Variants in COL1A2 observed in about 807,000 individuals in gnomAD.
COL1A2 encodes collagen type I alpha 2 chain.
Under a neutral mutation model 174.3 loss-of-function variants are expected in COL1A2, and 49 were observed. The ratio of observed to expected loss-of-function variants is 0.28; its 90% CI spans 0.22 to 0.36. COL1A2 has a LOEUF of 0.36. Ranked by LOEUF, COL1A2 falls within the 10% of genes least tolerant of loss-of-function variation. COL1A2 has a pLI of 1.00. For synonymous variants in COL1A2, 655 were observed against 606.6 expected, an observed-to-expected ratio of 1.08 and a Z score of -1.17; for missense variants, 1,438 against 1,822.7, an observed-to-expected ratio of 0.79 and a Z score of 3.84.
rs973517349 is a variant in COL1A2, at chr7:94,420,672, C to T, written c.2295+24C>T. 5 of 1,554,014 alleles carry T rather than the reference C, an allele frequency of 3.2e-6. No homozygotes were observed. The Admixed American group carries it at 9.5e-5, about 29-fold the overall frequency. ...CTGTAAGTTGAATTCACTGGTGGTCCACACAGCAGCTACCCATTAGATCTT... is the reference window on the plus strand; with the variant it reads ...CTGTAAGTTGAATTCACTGGTGGTCTACACAGCAGCTACCCATTAGATCTT... On this transcript the variant is annotated intron_variant, in intron 37 of 51. Coordinates refer to ENST00000297268, the MANE Select transcript of COL1A2 (RefSeq NM_000089.4).
rs747098214 is a variant in COL1A2, at chr7:94,424,453, T to A, written c.2673+10T>A. 2.6e-5 allele frequency: 42 copies of A among 1,611,120 alleles called. 1 individual carries two copies. The highest frequency in any genetic ancestry group is 3.5e-5 in the Non-Finnish European group (41 of 1,177,412). On this transcript the variant is annotated intron_variant, in intron 41 of 51. Transcript: ENST00000297268. ...TGTTGCTGGTGCTGTGGTGAGTGCT[T>A]GACAGTATTCTGACTCCATTAACAT...
In COL1A2 at chr7:94,422,011, A is replaced by T; in HGVS notation, c.2403+59A>T. On this transcript the variant is annotated intron_variant, in intron 39 of 51. Transcript: ENST00000297268. Reference sequence around the variant, plus strand: ...CTCTAGCCAAAAGGCCTGGCTTCTGATAGGAAACTGGTAAGAAACTCTTCA... The same window carrying T: ...CTCTAGCCAAAAGGCCTGGCTTCTGTTAGGAAACTGGTAAGAAACTCTTCA... 6 of 1,449,958 alleles carry T rather than the reference A, an allele frequency of 4.1e-6. No homozygotes were observed. The South Asian group carries it at 6.9e-5, about 17-fold the overall frequency. 89.8% of individuals were successfully genotyped at this position (1,449,958 alleles called of 1,614,324 possible). A position where few individuals can be genotyped will look rare whatever the true frequency, so the allele number is the denominator to read the frequency against.
intron 33 of COL1A2, among the ~76,000 whole-genome samples, chr7:94,419,151 A>G (rs1443757806): frequency 6.6e-6 from 1 of 150,630 alleles, no homozygotes. Flanking sequence ...CATCTGTAAT[A>G]GTCTTTCTTT....
chr7:94,412,476 G>A lies in COL1A2; in HGVS notation c.1405-108G>A. On this transcript the variant is annotated intron_variant, in intron 24 of 51. Transcript: ENST00000297268. ...AATTTATTAACGCTTTATACAAGAA[G>A]CTCTATGCATTCAGAAAACTATTCT... 5 of 840,066 alleles carry A rather than the reference G, an allele frequency of 6.0e-6. No individual in the cohort carries two copies. In the East Asian group the frequency reaches 1.1e-4, roughly 18 times the overall value. 52.0% of individuals were successfully genotyped at this position (840,066 alleles called of 1,614,324 possible). A position where few individuals can be genotyped will look rare whatever the true frequency, so the allele number is the denominator to read the frequency against.
At chr7:94,404,997 C>G in intron 9 of COL1A2, 105 bp downstream of exon 9, 1 of 1,298,274 alleles carries the variant, frequency 7.7e-7, no homozygotes, top group East Asian at 2.3e-5. Flanking sequence ...CTGAATATGC[C>G]TGACAGAACT....
intron 38 of COL1A2, 57 bp from the exon 39 acceptor site, chr7:94,421,842 T>C: frequency 1.3e-6 from 2 of 1,566,212 alleles, no homozygotes; most frequent in East Asian, 2.2e-5. Context: ...ATTCCCATCT[T>C]ACCCAAATTC....
rs749621872 is a variant in COL1A2 at position 94,425,198 on chromosome 7, G to A, written c.2755G>A (p.Gly919Ser). 75 of 1,613,994 alleles carry A rather than the reference G, an allele frequency of 4.6e-5. No individual in the cohort carries two copies. Among genetic ancestry groups the A allele is most frequent in the Middle Eastern group, 1.6e-4 (1 of 6,082 alleles). ...PGAVGSPGVNGAPGEAGRDGN... is the reference protein window; with the variant it reads ...PGAVGSPGVNSAPGEAGRDGN... The stretch of plus-strand genomic sequence containing the variant: ...TGCTGTGGGTAGTCCTGGAGTCAAC[G>A]GTGCTCCTGGTGAAGCTGGTCGTGA... Residue 919 changes from glycine to serine, a missense_variant, in exon 42 of 52, where the codon GGT becomes AGT. Around this residue, in one of 3 missense-constraint regions of COL1A2, gnomAD observed 867 missense variants for 1,213.7 expected, o/e 0.71. Transcript: ENST00000297268.
chr7:94,415,118 A>G (rs936428866), intron 29 of COL1A2, 108 bp from the exon 30 acceptor site: 4 of 949,702 alleles, frequency 4.2e-6, no homozygotes, highest in African/African-American at 3.2e-5. Flanking sequence ...ACTCATGTAG[A>G]TACTGCCAGG....
rs539923265 is a variant in COL1A2, at chr7:94,408,167, A to G, written c.640-16A>G. On this transcript the variant is annotated splice_polypyrimidine_tract_variant and intron_variant, in intron 13 of 51. Coordinates refer to ENST00000297268, the MANE Select transcript of COL1A2 (RefSeq NM_000089.4). Reference sequence around the variant, plus strand: ...ATTAGCATTCTGGATTTTATTGAAAATATTTCTGCTTCTAGGGAGCCCGTG... The same window carrying G: ...ATTAGCATTCTGGATTTTATTGAAAGTATTTCTGCTTCTAGGGAGCCCGTG... 42 of 1,613,422 alleles carry G rather than the reference A, an allele frequency of 2.6e-5. No individual in the cohort carries two copies. Among genetic ancestry groups the G allele is most frequent in the Non-Finnish European group, 3.3e-5 (39 of 1,179,722 alleles).
chr7:94,423,402 C>G (rs1354143582), intron 40 of COL1A2: 1 of 443,988 alleles, frequency 2.3e-6, no homozygotes, highest in Non-Finnish European at 4.2e-6. Flanking sequence ...AGAACAGAGT[C>G]CCATTGCTGT....
At chr7:94,426,400 T>C in intron 45 of COL1A2, 23 bp from the exon 46 acceptor site, 1 of 1,558,768 alleles carries the variant, frequency 6.4e-7, no homozygotes, top group Non-Finnish European at 8.7e-7. Context: ...GTAAGTCTTA[T>C]CCATCCTTCT....
At chr7:94,398,211 C>T (rs1474950177) in intron 2 of COL1A2, among the ~76,000 whole-genome samples, 171 bp from the exon 3 acceptor site, 1 of 151,926 alleles carries the variant, frequency 6.6e-6, no homozygotes, top group African/African-American at 2.4e-5. Flanking sequence ...TTTTATTTGA[C>T]ATGTTGGTAA....
chr7:94,411,027 C>T (rs369038827), intron 22 of COL1A2, 29 bp from the exon 23 acceptor site: 1 of 1,571,930 alleles, frequency 6.4e-7, no homozygotes, highest in Non-Finnish European at 8.7e-7. Flanking sequence ...TCCTCCTCCT[C>T]TATCTGTTTT....
chr7:94,423,095 C>A lies in COL1A2; in HGVS notation c.2542C>A (p.Pro848Thr), dbSNP rs562035493. 2.5e-6 allele frequency: 4 copies of A among 1,614,162 alleles called. No homozygotes were observed. Among genetic ancestry groups the A allele is most frequent in the Non-Finnish European group, 3.4e-6 (4 of 1,180,018 alleles). ...CCCTGGCTTCGCTGGTGAGAAGGGT[C>A]CCTCTGGAGAGGCTGGTACTGCTGT... Reference protein sequence around the residue: ...GPPGFAGEKGPSGEAGTAGPP... With the variant: ...GPPGFAGEKGTSGEAGTAGPP... The change falls in exon 40 of 52, where the codon CCC becomes ACC. Residue 848 changes from proline to threonine, a missense_variant. Coordinates refer to ENST00000297268, the MANE Select transcript of COL1A2 (RefSeq NM_000089.4).
intron 48 of COL1A2, 98 bp downstream of exon 48, chr7:94,427,393 GCCC>G (rs1792301417): frequency 3.3e-6 from 4 of 1,225,812 alleles, no homozygotes; most frequent in Non-Finnish European, 4.7e-6. Flanking sequence ...ATTAAAGTTA[GCCC>G]CATTTCAATA....
chr7:94,420,700 A>G (rs1412465395), intron 37 of COL1A2, 52 bp downstream of exon 37: 1 of 1,461,604 alleles, frequency 6.8e-7, no homozygotes, highest in African/African-American at 1.4e-5. Flanking sequence ...TAGATCTTCC[A>G]ATTAAATATA....
intron 4 of COL1A2, 45 bp downstream of exon 4, chr7:94,399,129 TAAC>T: frequency 6.4e-7 from 1 of 1,563,580 alleles, no homozygotes; most frequent in Non-Finnish European, 8.8e-7. Context: ...CGTATTTGAA[TAAC>T]TATATGTTAG....
In COL1A2 at chr7:94,430,152, T is replaced by G. The variant is rs557947401; in HGVS notation, c.3955-95T>G. The G allele has an allele frequency of 8.9e-6, 11 of 1,242,708 alleles. No individual in the cohort carries two copies. The African/African-American group carries it at 1.5e-4, about 17-fold the overall frequency. The allele number at this position is 1,242,708 out of a possible 1,614,324, so 77.0% of individuals were successfully genotyped here. On this transcript the variant is annotated intron_variant, in intron 51 of 51. Transcript: ENST00000297268. Reference sequence around the variant, plus strand: ...GGACAGACATCTTCAGAATGACACATGCCAAACAGTGGTTCTTATTAAATC... The same window carrying G: ...GGACAGACATCTTCAGAATGACACAGGCCAAACAGTGGTTCTTATTAAATC...
Position 94,405,181 on chromosome 7 carries a change from C to G in COL1A2, c.433-18C>G. On this transcript the variant is annotated intron_variant, in intron 9 of 51. Transcript: ENST00000297268. Reference sequence around the variant, plus strand: ...GTTTACCAAGAAGAAGTTGACTCTACAATGTTTTCATGTTTAGGGTCACCC... The same window carrying G: ...GTTTACCAAGAAGAAGTTGACTCTAGAATGTTTTCATGTTTAGGGTCACCC... The G allele has an allele frequency of 6.2e-7, 1 of 1,613,578 alleles. No individual in the cohort carries two copies. Among genetic ancestry groups the G allele is most frequent in the Non-Finnish European group, 8.5e-7 (1 of 1,179,648 alleles).
Sources: gnomAD v4.1 joint callset for allele counts (sites outside exome capture counted in the v4.1 genomes callset) on GRCh38, gnomAD v4.1.1 for gene constraint, gnomAD v4.1.1 regional missense constraint, MANE v1.5 for transcripts, NCBI Gene and HGNC (gene_info 2026-07-23, HGNC 2026-07-21) for gene names.